MLIP: variants seen among roughly 807,000 people sequenced by gnomAD.
MLIP encodes the protein muscular LMNA-interacting protein.
MLIP carries 79 observed loss-of-function variants against 84.8 expected under a neutral mutation model. The ratio of observed to expected loss-of-function variants is 0.93; its 90% confidence interval spans 0.78 to 1.12. The LOEUF (loss-of-function observed/expected upper bound fraction) is 1.12. MLIP is among the 50% of genes most tolerant of loss of function. MLIP has a pLI of 0.00. For synonymous variants in MLIP, 504 were observed against 463.0 expected (o/e 1.09, Z -1.14); for missense variants, 1,257 against 1,160.6 (o/e 1.08, Z -1.21).
chr6:54,254,111 A>T (rs1200949422), intron 12 of MLIP, among the ~76,000 whole-genome samples: 1 of 146,684 alleles, frequency 6.8e-6, no homozygotes, highest in South Asian at 2.2e-4. Context: ...TCACCTACGT[A>T]GAACTTGTTT....
At chr6:54,064,427 T>A (rs992155) in intron 1 of MLIP, among the ~76,000 whole-genome samples, 27,746 of 98,868 alleles carry the variant, frequency 0.28, 9,555 homozygotes, top group Non-Finnish European at 0.35. Context: ...GATACAAGAA[T>A]CTCAAGACTC....
At chr6:54,050,347 A>G (rs1477051967) in intron 1 of MLIP, among the ~76,000 whole-genome samples, 1 of 152,136 alleles carries the variant, frequency 6.6e-6, no homozygotes, top group Admixed American at 6.6e-5. Flanking sequence ...TTAGTATATT[A>G]TCTTCTTGCT....
rs67859095 is a variant in MLIP, at chr6:54,241,119, C to CTT, written c.2922+10210_2922+10211dup. ...GCTTCCCCTGTAATAACAGACGTTTCTTTTTTTTTGCCTTTTAAATTCTCT... is the reference window on the plus strand; with the variant it reads ...GCTTCCCCTGTAATAACAGACGTTTCTTTTTTTTTTTGCCTTTTAAATTCTCT... On this transcript the variant is annotated intron_variant, in intron 12 of 13. Coordinates refer to ENST00000502396, the MANE Select transcript of MLIP (RefSeq NM_001281747.2). 6.9e-4 allele frequency among the ~76,000 whole-genome samples: 104 copies of CTT among 150,874 alleles called. 1 individual carries two copies. Among genetic ancestry groups the CTT allele is most frequent in the African/African-American group, 2.1e-3 (87 of 41,152 alleles).
intron 11 of MLIP, among the ~76,000 whole-genome samples, chr6:54,229,894 T>C (rs1042997859): frequency 6.6e-6 from 1 of 152,222 alleles, no homozygotes; most frequent in Non-Finnish European, 1.5e-5. Flanking sequence ...GTAGAAGACA[T>C]ATACCTGTAT....
At chr6:54,263,390 C>G (rs1783505618) in intron 13 of MLIP, among the ~76,000 whole-genome samples, 1 of 151,734 alleles carries the variant, frequency 6.6e-6, no homozygotes, top group Non-Finnish European at 1.5e-5. Flanking sequence ...TCTTTTTTCA[C>G]CAAAGTCAAT....
At chr6:54,163,375 T>C (rs1044639693) in intron 8 of MLIP, among the ~76,000 whole-genome samples, 1 of 151,904 alleles carries the variant, frequency 6.6e-6, no homozygotes, top group African/African-American at 2.4e-5. Flanking sequence ...GCAATTCTTG[T>C]TATGTTAGGG....
chr6:54,151,699 T>C (rs1773461732), intron 5 of MLIP, among the ~76,000 whole-genome samples: 1 of 152,174 alleles, frequency 6.6e-6, no homozygotes, highest in African/African-American at 2.4e-5. Flanking sequence ...ATTTCAACAA[T>C]TATCTCTCCA....
intron 12 of MLIP, among the ~76,000 whole-genome samples, chr6:54,240,865 A>T (rs1224092100): frequency 1.3e-5 from 2 of 152,092 alleles, no homozygotes; most frequent in Admixed American, 1.3e-4. Flanking sequence ...AGTCCCAGCT[A>T]CTCGAGAGGC....
chr6:54,245,210 C>T lies in MLIP; in HGVS notation c.2923-12098C>T, dbSNP rs1462791703. Reference sequence around the variant, plus strand: ...TCCTTAAAAGCAGATCCTGAGACAGCGGTTCAGATATTGGTGATTTATTGA... The same window carrying T: ...TCCTTAAAAGCAGATCCTGAGACAGTGGTTCAGATATTGGTGATTTATTGA... On this transcript the variant is annotated intron_variant, in intron 12 of 13. Transcript: ENST00000502396. 5.3e-5 allele frequency among the ~76,000 whole-genome samples: 8 copies of T among 152,032 alleles called. No homozygotes were observed. In the South Asian group the frequency reaches 8.3e-4, roughly 16 times the overall value.
intron 1 of MLIP, among the ~76,000 whole-genome samples, chr6:54,088,417 G>A (rs1767639604): frequency 2.0e-5 from 3 of 152,066 alleles, no homozygotes; most frequent in Admixed American, 2.0e-4. Flanking sequence ...AGAGTTAAAC[G>A]AGGTCAAAGA....
chr6:54,205,345 C>T (rs934157915), intron 11 of MLIP, among the ~76,000 whole-genome samples: 11 of 152,202 alleles, frequency 7.2e-5, no homozygotes, highest in Non-Finnish European at 1.5e-4. Flanking sequence ...TGATCTCATC[C>T]ACCCATGTAA....
chr6:54,116,402 T>A (rs1051725140), intron 1 of MLIP, among the ~76,000 whole-genome samples: 1 of 152,180 alleles, frequency 6.6e-6, no homozygotes, highest in Non-Finnish European at 1.5e-5. Flanking sequence ...AATCAGAGAA[T>A]AAAACGGAGA....
At chr6:54,241,365 T>A (rs1781726711) in intron 12 of MLIP, among the ~76,000 whole-genome samples, 1 of 151,974 alleles carries the variant, frequency 6.6e-6, no homozygotes, top group African/African-American at 2.4e-5. Context: ...AGCTTAGGAT[T>A]TTTTTATTAG....
At chr6:54,228,484 C>T (rs945660165) in intron 11 of MLIP, among the ~76,000 whole-genome samples, 1 of 152,306 alleles carries the variant, frequency 6.6e-6, no homozygotes, top group South Asian at 2.1e-4. Context: ...GCTCTCCCTC[C>T]CTGCCCAGCT....
intron 5 of MLIP, among the ~76,000 whole-genome samples, chr6:54,154,035 C>A (rs966934583): frequency 3.3e-5 from 5 of 151,760 alleles, no homozygotes; most frequent in South Asian, 2.1e-4. Flanking sequence ...AAATGGTTCT[C>A]GGGTAGTTGT....
rs534282492 is a variant in MLIP, at chr6:54,216,046, G to A, written c.2718+13813G>A. The A allele has an allele frequency of 3.4e-5, 17 of 507,170 alleles. No individual in the cohort carries two copies. In the South Asian group the frequency reaches 6.8e-4, roughly 20 times the overall value. 31.4% of individuals were successfully genotyped at this position (507,170 alleles called of 1,614,324 possible). ...TGAATAATATTTCATTGTTTAACAC[G>A]TTTTATTTATTCATTTATCCATCAA... On this transcript the variant is annotated intron_variant, in intron 11 of 13. Coordinates refer to ENST00000502396, the MANE Select transcript of MLIP (RefSeq NM_001281747.2).
chr6:54,106,258 C>T (rs1414055320), intron 1 of MLIP, among the ~76,000 whole-genome samples: 4 of 151,868 alleles, frequency 2.6e-5, no homozygotes, highest in Non-Finnish European at 5.9e-5. Flanking sequence ...ACTAGCCATC[C>T]GATGTCCCTA....
At chr6:54,141,823 A>G (rs951976434) in intron 4 of MLIP, among the ~76,000 whole-genome samples, 1 of 152,174 alleles carries the variant, frequency 6.6e-6, no homozygotes, top group Admixed American at 6.5e-5. Flanking sequence ...TCTGCCACTT[A>G]CCGAAGACAG....
intron 12 of MLIP, among the ~76,000 whole-genome samples, chr6:54,244,558 G>GT (rs1332130700): frequency 7.2e-5 from 11 of 152,158 alleles, no homozygotes; most frequent in African/African-American, 2.7e-4. Flanking sequence ...AAGAGAAGTG[G>GT]TTTTGCAAAA....
Sources: gnomAD v4.1 joint callset for allele counts (sites outside exome capture counted in the v4.1 genomes callset) on GRCh38, gnomAD v4.1.1 for gene constraint, MANE v1.5 for transcripts, NCBI Gene and HGNC (gene_info 2026-07-23, HGNC 2026-07-21) for gene names.